PRKDC: variants seen among roughly 807,000 people sequenced by gnomAD.
The protein encoded by PRKDC is DNA-dependent protein kinase catalytic subunit.
A neutral mutation model predicts 486.9 loss-of-function variants in PRKDC; 82 were observed. The ratio of observed to expected loss-of-function variants is 0.17; its 90% CI spans 0.14 to 0.20. PRKDC has a LOEUF of 0.20. PRKDC is among the 10% of genes least tolerant of loss of function. PRKDC has a pLI of 1.00. For synonymous variants in PRKDC, 1,895 were observed against 1,837.0 expected (o/e 1.03, Z -0.81); for missense variants, 4,504 against 5,038.2 (o/e 0.89, Z 3.21).
chr8:47,849,290 C>T lies in PRKDC; in HGVS notation c.7144G>A (p.Val2382Met), dbSNP rs2088349337. Residue 2382 changes from valine (V) to methionine (M), a missense_variant, in exon 54 of 86, where the codon GTG becomes ATG. Val to Met is a conservative substitution (Grantham distance 21). Around this residue, in one of 6 missense-constraint regions of PRKDC, gnomAD observed 1,592 missense variants for 1,724.6 expected, o/e 0.92. Coordinates refer to ENST00000314191, the MANE Select transcript of PRKDC (RefSeq NM_006904.7). ...PPLADRFMNAVFFLLPKFHGV... is the reference protein window; with the variant it reads ...PPLADRFMNAMFFLLPKFHGV... The stretch of plus-strand genomic sequence containing the variant: ...TGAAATTTTGGCAGCAGAAAGAACA[C>T]AGCATTCATGAACCTGGCGGGGAAG... 1 of 1,613,830 alleles carries T rather than the reference C, an allele frequency of 6.2e-7. No individual in the cohort carries two copies. Among genetic ancestry groups the T allele is most frequent in the African/African-American group, 1.3e-5 (1 of 74,886 alleles).
rs749641764 is a variant in PRKDC, at chr8:47,953,603, G to C, written c.721+17C>G. ...ACAGTTTTTGAATAAAGAAAATCAA[G>C]TGAAGCCAAGCAATACCTTCTTCCA... On this transcript the variant is annotated intron_variant, in intron 7 of 85. Transcript: ENST00000314191. 3.9e-5 allele frequency: 62 copies of C among 1,598,792 alleles called. No individual in the cohort carries two copies. The highest frequency in any genetic ancestry group is 5.1e-5 in the Non-Finnish European group (60 of 1,169,660).
intron 40 of PRKDC, among the ~76,000 whole-genome samples, chr8:47,869,721 C>T (rs1446586377): frequency 2.0e-5 from 3 of 152,052 alleles, no homozygotes; most frequent in African/African-American, 7.2e-5. Flanking sequence ...GGGCAACATC[C>T]CAAGCGGGCT....
chr8:47,794,043 A>C (rs2086934559), intron 74 of PRKDC, among the ~76,000 whole-genome samples: 1 of 152,242 alleles, frequency 6.6e-6, no homozygotes, highest in African/African-American at 2.4e-5. Context: ...GTCTATCCCA[A>C]GCAATCATGA....
intron 76 of PRKDC, among the ~76,000 whole-genome samples, chr8:47,786,542 T>A (rs1283240980): frequency 6.6e-6 from 1 of 152,108 alleles, no homozygotes; most frequent in Non-Finnish European, 1.5e-5. Flanking sequence ...ATCATTATGA[T>A]GACACAAATA....
intron 23 of PRKDC, among the ~76,000 whole-genome samples, chr8:47,914,491 C>T (rs1267035806): frequency 6.6e-6 from 1 of 152,042 alleles, no homozygotes. Context: ...TTTTACTAAT[C>T]AAAAATGTAG....
At chr8:47,794,663 C>T (rs2086945033) in intron 73 of PRKDC, among the ~76,000 whole-genome samples, 162 bp from the exon 74 acceptor site, 1 of 152,252 alleles carries the variant, frequency 6.6e-6, no homozygotes, top group South Asian at 2.1e-4. Context: ...AACCACTGGA[C>T]TCTCCCAGGC....
chr8:47,867,847 A>G (rs1426807461), intron 40 of PRKDC, among the ~76,000 whole-genome samples: 1 of 152,114 alleles, frequency 6.6e-6, no homozygotes, highest in East Asian at 1.9e-4. Flanking sequence ...ACTATTACAT[A>G]TTTTGTTGGC....
At chr8:47,873,433 G>A (rs1318512675) in intron 40 of PRKDC, among the ~76,000 whole-genome samples, 1 of 152,066 alleles carries the variant, frequency 6.6e-6, no homozygotes, top group South Asian at 2.1e-4. Flanking sequence ...CCAGCTACTC[G>A]GGAGGGAAGC....
Position 47,863,384 on chromosome 8 carries a change from T to G in PRKDC, c.5750+15A>C. ...TGATAAATAAAATAGAATCCAAAAT[T>G]AAGTAAAATCTTACTTAATCAATGT... On this transcript the variant is annotated intron_variant, in intron 42 of 85. Transcript: ENST00000314191. The G allele has an allele frequency of 6.4e-7, 1 of 1,572,634 alleles. No individual in the cohort carries two copies. Among genetic ancestry groups the G allele is most frequent in the Non-Finnish European group, 8.7e-7 (1 of 1,153,042 alleles).
chr8:47,896,418 C>A (rs560807944), intron 30 of PRKDC, among the ~76,000 whole-genome samples: 1 of 151,982 alleles, frequency 6.6e-6, no homozygotes, highest in Admixed American at 6.6e-5. Flanking sequence ...GAGGCCAAGG[C>A]GGGTGGATCA....
intron 7 of PRKDC, among the ~76,000 whole-genome samples, chr8:47,950,793 G>A (rs971340470): frequency 1.6e-4 from 25 of 152,130 alleles, no homozygotes; most frequent in African/African-American, 5.8e-4. Context: ...TACCAGCCTG[G>A]GCAACACAGC....
rs746148632 is a variant in PRKDC at position 47,912,468 on chromosome 8, T to C, written c.2876A>G (p.Tyr959Cys). The C allele has an allele frequency of 1.1e-5, 17 of 1,612,528 alleles. No homozygotes were observed. In the Middle Eastern group the frequency reaches 4.9e-4, roughly 47 times the overall value. The stretch of plus-strand genomic sequence containing the variant: ...AGGAAACGTCCGCTTATAGAGCTGG[T>C]ACATGGGTGGGGCTCCCTGTCCCCC... ...PEGGQGAPPM[Y>C]QLYKRTFPVL... Residue 959 changes from tyrosine to cysteine, a missense_variant, in exon 25 of 86, where the codon TAC becomes TGC. By Grantham distance (194) the Tyr-to-Cys change is radical. This residue lies in a region of PRKDC where 1,969 missense variants were observed against 2,068.9 expected (regional missense o/e 0.95). Coordinates refer to ENST00000314191, the MANE Select transcript of PRKDC (RefSeq NM_006904.7).
chr8:47,899,734 G>A (rs188620516), intron 28 of PRKDC, among the ~76,000 whole-genome samples: 9 of 152,250 alleles, frequency 5.9e-5, no homozygotes, highest in African/African-American at 1.9e-4. Context: ...TCAATGACAC[G>A]CCTGAGCCTC....
intron 54 of PRKDC, among the ~76,000 whole-genome samples, chr8:47,841,807 G>A (rs1254870501): frequency 6.6e-6 from 1 of 152,208 alleles, no homozygotes; most frequent in East Asian, 1.9e-4. Context: ...ACAGCCCAGT[G>A]ATCTGGGCGC....
Position 47,864,653 on chromosome 8 carries a change from A to C in PRKDC, c.5474T>G (p.Leu1825Arg). The part of the protein sequence containing the change: ...TRQSFVDRSL[L>R]TLLWHCSLDA... ...CAGGCTACAGTGCCACAGCAGAGTG[A>C]GGAGGGAGCGGTCCACAAAGGACTG... is the stretch of plus-strand genomic sequence containing the variant. Residue 1825 changes from leucine (L) to arginine (R), a missense_variant, in exon 41 of 86, where the codon CTC becomes CGC. Coordinates refer to ENST00000314191, the MANE Select transcript of PRKDC (RefSeq NM_006904.7). The C allele has an allele frequency of 6.2e-7, 1 of 1,609,088 alleles. No individual in the cohort carries two copies. Among genetic ancestry groups the C allele is most frequent in the Non-Finnish European group, 8.5e-7 (1 of 1,177,752 alleles).
At chr8:47,810,102 G>A (rs2087297621) in intron 68 of PRKDC, among the ~76,000 whole-genome samples, 2 of 152,174 alleles carry the variant, frequency 1.3e-5, no homozygotes, top group Non-Finnish European at 2.9e-5. Context: ...CACAGGTTTG[G>A]ACAGGAACTG....
chr8:47,845,244 A>C (rs2088239857), intron 54 of PRKDC, among the ~76,000 whole-genome samples: 1 of 152,044 alleles, frequency 6.6e-6, no homozygotes, highest in Non-Finnish European at 1.5e-5. Flanking sequence ...AACAAAACAA[A>C]CCAACCCTAA....
chr8:47,909,550 A>G (rs896120386), intron 25 of PRKDC, among the ~76,000 whole-genome samples: 3 of 152,244 alleles, frequency 2.0e-5, no homozygotes, highest in African/African-American at 7.2e-5. Context: ...TTTTCAGGTA[A>G]CAAGCAAGGG....
intron 40 of PRKDC, among the ~76,000 whole-genome samples, chr8:47,873,686 G>A (rs902719197): frequency 6.6e-5 from 10 of 152,262 alleles, no homozygotes; most frequent in Admixed American, 6.5e-4. Flanking sequence ...AAAAAGGAAT[G>A]AGATACTGTC....
Sources: gnomAD v4.1 joint callset for allele counts (sites outside exome capture counted in the v4.1 genomes callset) on GRCh38, gnomAD v4.1.1 for gene constraint, gnomAD v4.1.1 regional missense constraint, MANE v1.5 for transcripts, NCBI Gene and HGNC (gene_info 2026-07-23, HGNC 2026-07-21) for gene names.